The following ZPBP variants were observed in gnomAD, a reference collection of about 807,000 sequenced individuals.
The protein encoded by ZPBP is zona pellucida binding protein, also known as zona pellucida-binding protein 1.
A neutral mutation model predicts 44.8 loss-of-function variants in ZPBP; 26 were observed. The observed-to-expected ratio is 0.58, with a 90% confidence interval of 0.43 to 0.81. The LOEUF (loss-of-function observed/expected upper bound fraction) is 0.81. Among genes scored for constraint, ZPBP ranks in the 30% least tolerant of loss-of-function variants. The pLI is 0.00. For synonymous variants in ZPBP, 174 were observed against 153.2 expected (o/e 1.14, Z -1.00); for missense variants, 409 against 434.0 (o/e 0.94, Z 0.51).
chr7:50,009,867 T>C (rs13223903), intron 6 of ZPBP, among the ~76,000 whole-genome samples: 1 of 143,950 alleles, frequency 6.9e-6, no homozygotes, highest in Non-Finnish European at 1.5e-5. Flanking sequence ...AAAACCAAAA[T>C]TAAAACATAA....
At chr7:50,051,976 A>T (rs182391137) in intron 4 of ZPBP, among the ~76,000 whole-genome samples, 3,996 of 140,012 alleles carry the variant, frequency 0.029, 144 homozygotes, top group African/African-American at 0.079. Flanking sequence ...ATTTTTTTTT[A>T]AAAAAAGGAA....
intron 1 of ZPBP, among the ~76,000 whole-genome samples, chr7:49,930,623 A>G (rs1385015433): frequency 6.6e-6 from 1 of 152,240 alleles, no homozygotes; most frequent in Admixed American, 6.5e-5. Context: ...GTATTCTGAT[A>G]TATCATTGGT....
At chr7:49,910,212 G>A (rs1032618583) in intron 1 of ZPBP, among the ~76,000 whole-genome samples, 1 of 152,156 alleles carries the variant, frequency 6.6e-6, no homozygotes. Context: ...AGAAGCGGGG[G>A]CCCTCCACCT....
chr7:50,061,654 A>C (rs139250466), intron 3 of ZPBP, among the ~76,000 whole-genome samples: 26 of 152,360 alleles, frequency 1.7e-4, no homozygotes, highest in African/African-American at 6.3e-4. Context: ...ACAGAGCAGG[A>C]GCACCATCAT....
At chr7:49,987,729 TGTGTGTGTGTGTG>T (rs975885286) in intron 6 of ZPBP, among the ~76,000 whole-genome samples, 12 of 606 alleles carry the variant, frequency 0.02, no homozygotes, top group Non-Finnish European at 0.033. Flanking sequence ...ATATATGTGT[TGTGTGTGTGTGTG>T]TGTGTGTGTG....
intron 1 of ZPBP, chr7:49,911,987 A>T: frequency 6.8e-7 from 1 of 1,474,122 alleles, no homozygotes; most frequent in Non-Finnish European, 9.1e-7. Flanking sequence ...TATATATATT[A>T]TATATTTATG....
At chr7:50,051,290 C>T (rs1372883355) in intron 4 of ZPBP, among the ~76,000 whole-genome samples, 1 of 152,084 alleles carries the variant, frequency 6.6e-6, no homozygotes, top group Non-Finnish European at 1.5e-5. Context: ...ATAACAGATG[C>T]TGTCGAGGTT....
chr7:50,063,719 T>C (rs903579774), intron 3 of ZPBP, among the ~76,000 whole-genome samples: 2 of 152,234 alleles, frequency 1.3e-5, no homozygotes, highest in Non-Finnish European at 2.9e-5. Context: ...CATCAATTTC[T>C]AGGCAACAGT....
chr7:49,845,411 A>G, the ZPBP span, among the ~76,000 whole-genome samples: 7 of 152,220 alleles, frequency 4.6e-5, no homozygotes. Context: ...AATTTCAACA[A>G]CAATGCTTGT....
chr7:49,878,943 T>C (rs1791560120), intron 2 of ZPBP, among the ~76,000 whole-genome samples: 1 of 152,200 alleles, frequency 6.6e-6, no homozygotes, highest in Non-Finnish European at 1.5e-5. Flanking sequence ...TTTGTCCCTT[T>C]ACAGAAAAGT....
chr7:50,066,999 G>A (rs945824103), intron 3 of ZPBP, among the ~76,000 whole-genome samples: 1 of 152,194 alleles, frequency 6.6e-6, no homozygotes, highest in African/African-American at 2.4e-5. Flanking sequence ...ACAGCAGTGG[G>A]AGTAGACATG....
chr7:49,899,581 G>A (rs1165879978), intron 2 of ZPBP, among the ~76,000 whole-genome samples: 1 of 151,880 alleles, frequency 6.6e-6, no homozygotes, highest in Non-Finnish European at 1.5e-5. Flanking sequence ...GCCAGAGGGA[G>A]GTATTATATA....
the ZPBP span, among the ~76,000 whole-genome samples, chr7:49,845,273 C>T: frequency 2.0e-4 from 31 of 151,390 alleles, no homozygotes; most frequent in African/African-American, 7.6e-4. Context: ...CACATGTACC[C>T]TGGAACTTAA....
At chr7:49,847,774 C>T (rs752061216), downstream of ZPBP, among the ~76,000 whole-genome samples, 4 of 152,094 alleles carry the variant, frequency 2.6e-5, no homozygotes, top group Non-Finnish European at 5.9e-5. Flanking sequence ...CAGGAACTGC[C>T]CCTGTGTCTG....
chr7:49,892,792 C>T (rs1259865960), intron 2 of ZPBP, among the ~76,000 whole-genome samples: 1 of 152,082 alleles, frequency 6.6e-6, no homozygotes, highest in South Asian at 2.1e-4. Flanking sequence ...AACACTGCTC[C>T]GTGGAATGAA....
At chr7:49,959,826 T>C (rs1005183017) in intron 7 of ZPBP, among the ~76,000 whole-genome samples, 2 of 152,212 alleles carry the variant, frequency 1.3e-5, no homozygotes, top group Non-Finnish European at 2.9e-5. Flanking sequence ...AGGATTATCC[T>C]ATGTGATTTC....
intron 2 of ZPBP, among the ~76,000 whole-genome samples, chr7:49,872,933 A>G (rs192447078): frequency 0.028 from 4,071 of 147,922 alleles, 214 homozygotes; most frequent in African/African-American, 0.096. Context: ...AAAAAAAAAA[A>G]AAAAGAAAGA....
At chr7:49,943,930 G>A in intron 7 of ZPBP, 1 of 326,330 alleles carries the variant, frequency 3.1e-6, no homozygotes, top group Non-Finnish European at 5.9e-6. Flanking sequence ...CTAGCTCTCA[G>A]TGGACATTTC....
chr7:50,038,190 C>A (rs1256577609), intron 4 of ZPBP, among the ~76,000 whole-genome samples: 2 of 152,306 alleles, frequency 1.3e-5, no homozygotes, highest in East Asian at 3.9e-4. Context: ...CACCACTGTC[C>A]CCAGCCTCAG....
Sources: allele counts gnomAD v4.1 joint callset (sites outside exome capture counted in the v4.1 genomes callset), GRCh38; gene constraint gnomAD v4.1.1; transcripts MANE v1.5; gene names NCBI Gene and HGNC (gene_info 2026-07-23, HGNC 2026-07-21).